Variants in CABYR observed in about 807,000 individuals in gnomAD.
CABYR encodes calcium-binding tyrosine phosphorylation-regulated protein.
CABYR carries 31 observed loss-of-function variants against 36.1 expected under a neutral mutation model. The observed-to-expected ratio is 0.86, with a 90% CI of 0.64 to 1.16. The LOEUF (loss-of-function observed/expected upper bound fraction) is 1.16. CABYR is among the 50% of genes most tolerant of loss of function. The pLI is 0.00. For synonymous variants in CABYR, 146 were observed against 160.7 expected (o/e 0.91, Z 0.69); for missense variants, 429 against 455.8 (o/e 0.94, Z 0.53).
rs1245835149 is a variant in CABYR, at chr18:24,143,200, A to C, written c.86A>C (p.Asn29Thr). ...ATTAGCAGAGCTGTTCTCAAAACCA[A>C]CCCATCAAACATCAACCAGTTTGCA... ...EGISRAVLKTNPSNINQFAAA... is the reference protein window; with the variant it reads ...EGISRAVLKTTPSNINQFAAA... The change falls in exon 2 of 6, where the codon AAC becomes ACC. Residue 29 changes from asparagine to threonine, a missense_variant. Physicochemically the swap from Asn to Thr is moderately conservative, Grantham distance 65. Transcript: ENST00000399496. The C allele has an allele frequency of 1.2e-6, 2 of 1,613,898 alleles. No individual in the cohort carries two copies. Among genetic ancestry groups the C allele is most frequent in the Non-Finnish European group, 1.7e-6 (2 of 1,179,988 alleles).
chr18:24,144,190 GC>G (rs2085402161), intron 3 of CABYR, among the ~76,000 whole-genome samples: 1 of 152,132 alleles, frequency 6.6e-6, no homozygotes, highest in Non-Finnish European at 1.5e-5. Flanking sequence ...GAGCCACTGT[GC>G]CCAACTGCTG....
At chr18:24,148,049 G>A (rs1048046878) in intron 3 of CABYR, among the ~76,000 whole-genome samples, 2 of 150,218 alleles carry the variant, frequency 1.3e-5, no homozygotes, top group African/African-American at 4.8e-5. Flanking sequence ...CATCAGGAAG[G>A]AGGAGAAAGT....
chr18:24,148,314 T>C (rs960123398), intron 3 of CABYR, among the ~76,000 whole-genome samples: 5 of 152,170 alleles, frequency 3.3e-5, no homozygotes, highest in Admixed American at 6.5e-5. Flanking sequence ...GGAAGGGGGA[T>C]ACTACTACCC....
In CABYR at chr18:24,148,928, G is replaced by T. The variant is rs1055677009; in HGVS notation, c.199+5515G>T. Among the ~76,000 whole-genome samples the T allele has an allele frequency of 3.9e-5, 6 of 152,254 alleles. No individual in the cohort carries two copies. The South Asian group carries it at 6.2e-4, about 16-fold the overall frequency. On this transcript the variant is annotated intron_variant, in intron 3 of 5. Transcript: ENST00000399496. ...ACAAAGCTTCCACAGTGTGGAAGGG[G>T]ACTTGAGCGGGTTGCCACTGCTGGC...
intron 3 of CABYR, chr18:24,150,628 T>C (rs1195989610): frequency 2.1e-6 from 2 of 937,386 alleles, no homozygotes; most frequent in Non-Finnish European, 2.5e-6. Flanking sequence ...CTTTATAGTC[T>C]CTGGTATTCT....
chr18:24,155,685 GGTT>G lies in CABYR; in HGVS notation c.200-9_200-7del, dbSNP rs778161098. 6 of 1,535,290 alleles carry G rather than the reference GGTT, an allele frequency of 3.9e-6. No homozygotes were observed. In the African/African-American group the frequency reaches 4.2e-5, roughly 11 times the overall value. Reference sequence around the variant, plus strand: ...TTTTTAGATGTTAATTAACCCATCTGGTTGTTGTTTTTCAGTAGAGAAATGGTC... The same window carrying G: ...TTTTTAGATGTTAATTAACCCATCTGGTTGTTTTTCAGTAGAGAAATGGTC... On this transcript the variant is annotated splice_polypyrimidine_tract_variant and intron_variant, in intron 3 of 5. Coordinates refer to ENST00000399496, the MANE Select transcript of CABYR (RefSeq NM_153769.3).
At chr18:24,146,155 C>A (rs1458943496) in intron 3 of CABYR, among the ~76,000 whole-genome samples, 1 of 152,128 alleles carries the variant, frequency 6.6e-6, no homozygotes, top group East Asian at 1.9e-4. Context: ...GGAATTACTA[C>A]ATGAGGTGGA....
At chr18:24,143,315 G>A in intron 2 of CABYR, 45 bp from the exon 3 acceptor site, 1 of 1,596,622 alleles carries the variant, frequency 6.3e-7, no homozygotes, top group Non-Finnish European at 8.6e-7. Context: ...TTTAAGTTAG[G>A]AATTTCATGT....
chr18:24,159,635 T>A lies in CABYR; in HGVS notation c.705T>A (p.Phe235Leu). ...LYLPNPKDPQ[F>L]QQHPPKVTFP... Reference sequence around the variant, plus strand: ...TACCTAATCCTAAGGATCCACAGTTTCAGCAGCATCCACCAAAAGTCACTT... The same window carrying A: ...TACCTAATCCTAAGGATCCACAGTTACAGCAGCATCCACCAAAAGTCACTT... Residue 235 changes from phenylalanine (F) to leucine (L), a missense_variant, in exon 5 of 6, where the codon TTT becomes TTA. Physicochemically the swap from Phe to Leu is conservative, Grantham distance 22. Transcript: ENST00000399496. 6.2e-7 allele frequency: 1 copy of A among 1,614,058 alleles called. No individual in the cohort carries two copies. The highest frequency in any genetic ancestry group is 8.5e-7 in the Non-Finnish European group (1 of 1,180,020).
chr18:24,139,436 G>T (rs1018946641), intron 1 of CABYR: 2 of 152,262 alleles, frequency 1.3e-5, no homozygotes, highest in African/African-American at 4.8e-5. Context: ...ACACAGCGGG[G>T]GCCCACATCC....
intron 1 of CABYR, chr18:24,139,363 C>T (rs2278664): frequency 0.47 from 71,759 of 152,056 alleles, 20,421 homozygotes; most frequent in Non-Finnish European, 0.64. Context: ...GATGTGAGCA[C>T]GCCCAGCCTC....
chr18:24,140,559 C>T (rs542495870), intron 1 of CABYR, among the ~76,000 whole-genome samples: 2 of 152,228 alleles, frequency 1.3e-5, no homozygotes, highest in South Asian at 4.1e-4. Flanking sequence ...GTGTTACAAA[C>T]AATCCAGTTA....
rs144855105 is a variant in CABYR at position 24,143,141 on chromosome 18, C to T, written c.27C>T (p.Val9=). The change falls in exon 2 of 6, where the codon GTC becomes GTT. Residue 9 remains valine (V), a synonymous_variant. Transcript: ENST00000399496. MISSKPRL[V]VPYGLKTLLE... Reference sequence around the variant, plus strand: ...TGATTTCTTCAAAGCCCAGACTTGTCGTACCCTATGGCCTCAAGACTCTGC... The same window carrying T: ...TGATTTCTTCAAAGCCCAGACTTGTTGTACCCTATGGCCTCAAGACTCTGC... The T allele has an allele frequency of 4.9e-5, 79 of 1,612,360 alleles. No individual in the cohort carries two copies. The Admixed American group carries it at 6.5e-4, about 13-fold the overall frequency.
chr18:24,147,338 C>T (rs1000788257), intron 3 of CABYR, among the ~76,000 whole-genome samples: 1 of 145,312 alleles, frequency 6.9e-6, no homozygotes, highest in Non-Finnish European at 1.5e-5. Flanking sequence ...CACACAAAAA[C>T]TTACAGATGA....
In CABYR at chr18:24,156,111, G is replaced by C. The variant is rs542946323; in HGVS notation, c.541+69G>C. The stretch of plus-strand genomic sequence containing the variant: ...GGTGGATGTGGCAACCAGTATGCCT[G>C]TTGTTATCAAGGAGGTGCCAAGCTC... On this transcript the variant is annotated intron_variant, in intron 4 of 5. Coordinates refer to ENST00000399496, the MANE Select transcript of CABYR (RefSeq NM_153769.3). 2.8e-5 allele frequency: 46 copies of C among 1,614,160 alleles called. No homozygotes were observed. In the South Asian group the frequency reaches 4.4e-4, roughly 15 times the overall value.
At chr18:24,156,109 C>T in intron 4 of CABYR, 67 bp downstream of exon 4, 1 of 1,614,126 alleles carries the variant, frequency 6.2e-7, no homozygotes, top group Non-Finnish European at 8.5e-7. Context: ...ACCAGTATGC[C>T]TGTTGTTATC....
At chr18:24,158,372 G>A (rs966820191) in intron 4 of CABYR, among the ~76,000 whole-genome samples, 1 of 150,330 alleles carries the variant, frequency 6.7e-6, no homozygotes, top group African/African-American at 2.5e-5. Flanking sequence ...AGGCTGGAGT[G>A]CAGTGGCGTG....
At position 24,159,588 on chromosome 18, in the gene CABYR, T is replaced by G; in HGVS notation, c.658T>G (p.Phe220Val). 1 of 1,614,008 alleles carries G rather than the reference T, an allele frequency of 6.2e-7. No individual in the cohort carries two copies. The highest frequency in any genetic ancestry group is 8.5e-7 in the Non-Finnish European group (1 of 1,179,998). Residue 220 changes from phenylalanine to valine, a missense_variant, in exon 5 of 6, where the codon TTT (phenylalanine) becomes GTT (valine). Transcript: ENST00000399496. ...HPSPPPAPGP[F>V]PQATLYLPNP... Reference sequence around the variant, plus strand: ...ATCACCGCCACCTGCACCTGGGCCTTTTCCCCAAGCAACCCTCTATTTACC... The same window carrying G: ...ATCACCGCCACCTGCACCTGGGCCTGTTCCCCAAGCAACCCTCTATTTACC...
intron 3 of CABYR, chr18:24,152,657 G>C (rs2085671769): frequency 6.6e-6 from 1 of 152,134 alleles, no homozygotes; most frequent in Admixed American, 6.5e-5. Flanking sequence ...CGTAATTTCA[G>C]GTACCATGAA....
Sources: allele counts gnomAD v4.1 joint callset (sites outside exome capture counted in the v4.1 genomes callset), GRCh38; gene constraint gnomAD v4.1.1; transcripts MANE v1.5; gene names NCBI Gene and HGNC (gene_info 2026-07-23, HGNC 2026-07-21).